IVNS1ABP: variants seen among roughly 807,000 people sequenced by gnomAD.
IVNS1ABP encodes the protein influenza virus NS1A binding protein.
In IVNS1ABP, 25 loss-of-function variants were observed where a neutral mutation model predicts 78.9. That is an observed-to-expected ratio of 0.32 (90% CI 0.23 to 0.44). The LOEUF (loss-of-function observed/expected upper bound fraction) is 0.44. IVNS1ABP is among the 20% of genes least tolerant of loss of function. IVNS1ABP has a pLI of 1.00. For missense variants in IVNS1ABP, 494 were observed against 768.9 expected (o/e 0.64, Z 4.23); for synonymous variants, 241 against 259.7 (o/e 0.93, Z 0.69).
rs1050127966 is a variant in IVNS1ABP at position 185,305,375 on chromosome 1, T to C, written c.765+161A>G. 6 of 305,174 alleles carry C rather than the reference T, an allele frequency of 2.0e-5. No individual in the cohort carries two copies. The highest frequency in any genetic ancestry group is 2.9e-5 in the Non-Finnish European group (6 of 208,372). The allele number at this position is 305,174 out of a possible 1,614,324, so 18.9% of individuals were successfully genotyped here. ...TTAATATCTTTTCATGTGGCAAAAA[T>C]ACTAACTCTAAGATATGCTTGTTTT... On this transcript the variant is annotated intron_variant, in intron 8 of 14. Transcript: ENST00000367498. The surrounding 1 kb of genome is among the most constrained non-coding windows in gnomAD (Gnocchi z 4.0).
intron 2 of IVNS1ABP, among the ~76,000 whole-genome samples, chr1:185,310,448 A>T (rs966970225): frequency 2.0e-5 from 3 of 152,120 alleles, no homozygotes; most frequent in African/African-American, 7.2e-5. Flanking sequence ...TCTCTACTAA[A>T]AATACAAAAT....
intron 1 of IVNS1ABP, among the ~76,000 whole-genome samples, chr1:185,313,987 A>G (rs17640824): frequency 0.014 from 2,112 of 152,334 alleles, 20 homozygotes; most frequent in South Asian, 0.031. Context: ...CTTATCAAAG[A>G]GTTGTTAAAA....
chr1:185,316,397 C>A (rs958135796), intron 1 of IVNS1ABP, among the ~76,000 whole-genome samples: 6 of 152,184 alleles, frequency 3.9e-5, no homozygotes, highest in African/African-American at 1.4e-4. Context: ...AAGGACCCCG[C>A]GGCCCACGGC....
rs1238853888 is a variant in IVNS1ABP at position 185,317,131 on chromosome 1, AGAACTCGCGG to A, written c.-435_-426del. On this transcript the variant is annotated 5_prime_UTR_variant, in exon 1 of 15. Coordinates refer to ENST00000367498, the MANE Select transcript of IVNS1ABP (RefSeq NM_006469.5). The stretch of plus-strand genomic sequence containing the variant: ...CTGAAAGGAAGGGGGAGCGCCACCG[AGAACTCGCGG>A]GAACTCGCTCGCTCGCCGATACAGC... The A allele has an allele frequency of 1.3e-5, 5 of 398,440 alleles. No individual in the cohort carries two copies. Among genetic ancestry groups the A allele is most frequent in the African/African-American group, 6.2e-5 (3 of 48,570 alleles). The allele number at this position is 398,440 out of a possible 1,614,324, so 24.7% of individuals were successfully genotyped here.
intron 7 of IVNS1ABP, chr1:185,306,516 G>C: frequency 7.8e-7 from 1 of 1,289,208 alleles, no homozygotes. Context: ...TGCCCACAGC[G>C]GATTTTTCTT....
Position 185,305,481 on chromosome 1 carries a change from C to A in IVNS1ABP, c.765+55G>T. On this transcript the variant is annotated intron_variant, in intron 8 of 14. Coordinates refer to ENST00000367498, the MANE Select transcript of IVNS1ABP (RefSeq NM_006469.5). This position sits in a 1 kb window ranked among gnomAD's most constrained non-coding sequence, Gnocchi z 4.0. Reference sequence around the variant, plus strand: ...TTAAAGGAAAATTTAAGTATGCTATCAAATTCTCTAGTCAAATTTTAACCT... The same window carrying A: ...TTAAAGGAAAATTTAAGTATGCTATAAAATTCTCTAGTCAAATTTTAACCT... 6.3e-7 allele frequency: 1 copy of A among 1,596,302 alleles called. No homozygotes were observed. The highest frequency in any genetic ancestry group is 1.1e-5 in the South Asian group (1 of 88,944).
intron 7 of IVNS1ABP, chr1:185,306,453 TA>T: frequency 7.8e-7 from 1 of 1,287,972 alleles, no homozygotes; most frequent in East Asian, 5.6e-5. Flanking sequence ...CACACAGCTT[TA>T]AAGACAAGAA....
At chr1:185,308,163 TAGA>T in intron 5 of IVNS1ABP, 1 of 1,119,962 alleles carries the variant, frequency 8.9e-7, no homozygotes. Context: ...GGAGTGGTAT[TAGA>T]AGAAGGGCTA....
chr1:185,309,312 T>G, intron 3 of IVNS1ABP, 71 bp downstream of exon 3: 3 of 1,256,834 alleles, frequency 2.4e-6, no homozygotes, highest in Non-Finnish European at 3.3e-6. Context: ...GAAAAAGAAA[T>G]AAGCAAATCT....
At chr1:185,302,002 C>G (rs1415608126) in intron 8 of IVNS1ABP, among the ~76,000 whole-genome samples, 1 of 152,084 alleles carries the variant, frequency 6.6e-6, no homozygotes, top group Non-Finnish European at 1.5e-5. Context: ...AGGTATCCTT[C>G]ATACAATGCC....
In IVNS1ABP at chr1:185,305,317, G is replaced by A. The variant is rs138228715; in HGVS notation, c.765+219C>T. 1.5e-3 allele frequency among the ~76,000 whole-genome samples: 227 copies of A among 151,986 alleles called. 1 individual carries two copies. Among genetic ancestry groups the A allele is most frequent in the African/African-American group, 5.2e-3 (216 of 41,444 alleles). On this transcript the variant is annotated intron_variant, in intron 8 of 14. Coordinates refer to ENST00000367498, the MANE Select transcript of IVNS1ABP (RefSeq NM_006469.5). This position sits in a 1 kb window ranked among gnomAD's most constrained non-coding sequence, Gnocchi z 4.0. The stretch of plus-strand genomic sequence containing the variant: ...TTACTGTTTGTAATTCCTGCTTTAT[G>A]AGAAAAAAATTTCAATAGGGTTTCC...
In IVNS1ABP at chr1:185,309,094, C is replaced by T. The variant is rs776677918; in HGVS notation, c.190G>A (p.Asp64Asn). The T allele has an allele frequency of 6.8e-6, 11 of 1,612,694 alleles. No homozygotes were observed. The Admixed American group carries it at 1.2e-4, about 17-fold the overall frequency. The change falls in exon 4 of 15, where the codon GAT becomes AAT. Residue 64 changes from aspartate (D) to asparagine (N), a missense_variant. Coordinates refer to ENST00000367498, the MANE Select transcript of IVNS1ABP (RefSeq NM_006469.5). ...SPYLFEIFNS[D>N]SDPHGISHVK... ...TGAGAAATTCCATGAGGATCACTAT[C>T]ACTATTAAAGATTTCAAATAAATAG...
Position 185,307,164 on chromosome 1 carries a change from T to C in IVNS1ABP, c.532-25A>G, listed in dbSNP as rs757240472. On this transcript the variant is annotated intron_variant, in intron 6 of 14. Coordinates refer to ENST00000367498, the MANE Select transcript of IVNS1ABP (RefSeq NM_006469.5). ...ACTAGAATTGGGAAAAACAATGACATGGATCAGTGTTGGGCTCCTAGTTCT... is the reference window on the plus strand; with the variant it reads ...ACTAGAATTGGGAAAAACAATGACACGGATCAGTGTTGGGCTCCTAGTTCT... The C allele has an allele frequency of 8.1e-6, 13 of 1,612,330 alleles. No homozygotes were observed. The South Asian group carries it at 9.9e-5, about 12-fold the overall frequency.
At chr1:185,303,568 C>T (rs943770138) in intron 8 of IVNS1ABP, among the ~76,000 whole-genome samples, 2 of 151,996 alleles carry the variant, frequency 1.3e-5, no homozygotes, top group African/African-American at 4.8e-5. Flanking sequence ...CTTTCTTTTC[C>T]CTAATCTTGC....
At chr1:185,303,689 C>A (rs1297258243) in intron 8 of IVNS1ABP, among the ~76,000 whole-genome samples, 1 of 151,584 alleles carries the variant, frequency 6.6e-6, no homozygotes, top group Non-Finnish European at 1.5e-5. Flanking sequence ...TAGATTAATC[C>A]CTCATCATTT....
intron 14 of IVNS1ABP, 120 bp downstream of exon 14, chr1:185,299,590 A>T: frequency 2.2e-6 from 2 of 912,642 alleles, no homozygotes; most frequent in Non-Finnish European, 3.6e-6. Context: ...TTGCATCAAA[A>T]GAGATGACTG....
chr1:185,311,427 T>G (rs900746812), intron 1 of IVNS1ABP, 105 bp from the exon 2 acceptor site: 50 of 381,248 alleles, frequency 1.3e-4, no homozygotes, highest in Non-Finnish European at 2.3e-5. Flanking sequence ...TCAAGAGATT[T>G]GACATAAATG....
rs200380983 is a variant in IVNS1ABP at position 185,311,807 on chromosome 1, A to AAGG, written c.-246-488_-246-486dup. Reference sequence around the variant, plus strand: ...TGTTCAAGTTCTTCTCTCTACCTGGAAGGCCCTTAACCCAACCTCTGCCAG... The same window carrying AAGG: ...TGTTCAAGTTCTTCTCTCTACCTGGAAGGAGGCCCTTAACCCAACCTCTGCCAG... On this transcript the variant is annotated intron_variant, in intron 1 of 14. Transcript: ENST00000367498. Among the ~76,000 whole-genome samples the AAGG allele has an allele frequency of 8.3e-3, 1,263 of 152,278 alleles. 19 individuals are homozygous for AAGG. Among genetic ancestry groups the AAGG allele is most frequent in the African/African-American group, 0.029 (1,205 of 41,532 alleles).
chr1:185,315,786 G>A (rs974287207), intron 1 of IVNS1ABP, among the ~76,000 whole-genome samples: 1 of 152,146 alleles, frequency 6.6e-6, no homozygotes, highest in African/African-American at 2.4e-5. Context: ...TCTAGTCCAT[G>A]CTGTACTTAT....
Sources: gnomAD v4.1 joint callset for allele counts (sites outside exome capture counted in the v4.1 genomes callset) on GRCh38, gnomAD v4.1.1 for gene constraint, Gnocchi (gnomAD v3.1) non-coding constraint, MANE v1.5 for transcripts, NCBI Gene and HGNC (gene_info 2026-07-23, HGNC 2026-07-21) for gene names.